Variants in RIT2 observed in about 807,000 individuals in gnomAD.
RIT2 encodes the protein Ras like without CAAX 2.
Under a neutral mutation model 23.7 loss-of-function variants are expected in RIT2, and 24 were observed. The ratio of observed to expected loss-of-function variants is 1.01; its 90% CI spans 0.73 to 1.43. The LOEUF (loss-of-function observed/expected upper bound fraction) is 1.43. Ranked by LOEUF, RIT2 falls within the 40% of genes most tolerant of loss-of-function variation. The pLI is 0.00. For synonymous variants in RIT2, 107 were observed against 91.1 expected, an observed-to-expected ratio of 1.17 and a Z score of -0.99; for missense variants, 236 against 266.9, an observed-to-expected ratio of 0.88 and a Z score of 0.81.
intron 4 of RIT2, among the ~76,000 whole-genome samples, chr18:42,744,452 T>C (rs1392637235): frequency 2.0e-5 from 3 of 152,188 alleles, no homozygotes; most frequent in Non-Finnish European, 4.4e-5. Context: ...AAATCAGCTC[T>C]CCAGAATTCA....
intron 4 of RIT2, among the ~76,000 whole-genome samples, chr18:42,916,109 G>A (rs920169254): frequency 6.6e-6 from 1 of 151,946 alleles, no homozygotes; most frequent in Non-Finnish European, 1.5e-5. Flanking sequence ...GAATCACCCA[G>A]CTAATTTGTT....
intron 3 of RIT2, among the ~76,000 whole-genome samples, chr18:42,967,985 G>C (rs772466536): frequency 1.1e-4 from 16 of 152,058 alleles, no homozygotes; most frequent in Non-Finnish European, 1.9e-4. Context: ...TAATCAGCAT[G>C]TTATATCTGA....
chr18:42,785,460 T>A (rs1166899957), intron 4 of RIT2, among the ~76,000 whole-genome samples: 7 of 148,816 alleles, frequency 4.7e-5, no homozygotes, highest in African/African-American at 1.8e-4. Context: ...TTTTTTTTTT[T>A]AATTTAAATT....
intron 1 of RIT2, among the ~76,000 whole-genome samples, chr18:43,092,084 A>T (rs1220297934): frequency 6.6e-6 from 1 of 152,104 alleles, no homozygotes; most frequent in Admixed American, 6.6e-5. Flanking sequence ...ACATGCAAAC[A>T]CATTATGAAA....
chr18:42,819,185 T>C (rs967046551), intron 4 of RIT2, among the ~76,000 whole-genome samples: 5 of 152,042 alleles, frequency 3.3e-5, no homozygotes, highest in Admixed American at 1.3e-4. Flanking sequence ...ACAGTTGAAA[T>C]TGGAGGAACT....
In RIT2 at chr18:42,990,009, A is replaced by ATGTGTGTG. The variant is rs5824463; in HGVS notation, c.161-15870_161-15863dup. Among the ~76,000 whole-genome samples, 1,122 of 148,876 alleles carry ATGTGTGTG rather than the reference A, an allele frequency of 7.5e-3. 10 individuals are homozygous for ATGTGTGTG. Among genetic ancestry groups the ATGTGTGTG allele is most frequent in the African/African-American group, 0.015 (594 of 40,356 alleles). On this transcript the variant is annotated intron_variant, in intron 2 of 4. Coordinates refer to ENST00000326695, the MANE Select transcript of RIT2 (RefSeq NM_002930.4). Reference sequence around the variant, plus strand: ...TATTACACGTTCTGTATTTACAGATATGTGTGTGTGTGTGTGTGTGTGTGT... The same window carrying ATGTGTGTG: ...TATTACACGTTCTGTATTTACAGATATGTGTGTGTGTGTGTGTGTGTGTGTGTGTGTGT...
intron 4 of RIT2, among the ~76,000 whole-genome samples, chr18:42,907,883 A>C (rs1443666364): frequency 6.6e-6 from 1 of 151,966 alleles, no homozygotes; most frequent in African/African-American, 2.4e-5. Context: ...TGGGAGACTG[A>C]GTCAGGAGGG....
intron 1 of RIT2, among the ~76,000 whole-genome samples, chr18:43,104,838 T>C (rs1442902151): frequency 1.3e-5 from 2 of 152,212 alleles, no homozygotes; most frequent in East Asian, 1.9e-4. Flanking sequence ...TCTGTATCCA[T>C]GTAGCTTATT....
At chr18:42,833,922 G>C (rs1568008089) in intron 4 of RIT2, among the ~76,000 whole-genome samples, 1 of 152,150 alleles carries the variant, frequency 6.6e-6, no homozygotes, top group South Asian at 2.1e-4. Context: ...TTGTGAAGAG[G>C]GGAAGGGAGA....
intron 4 of RIT2, among the ~76,000 whole-genome samples, chr18:42,879,745 G>A (rs1016461003): frequency 2.0e-5 from 3 of 151,894 alleles, no homozygotes; most frequent in Admixed American, 6.6e-5. Flanking sequence ...AATATTGTCT[G>A]CTAATAATTA....
intron 4 of RIT2, among the ~76,000 whole-genome samples, chr18:42,800,515 ATTCTTTTT>A (rs1396880407): frequency 4.8e-5 from 2 of 41,320 alleles, no homozygotes; most frequent in African/African-American, 6.8e-5. Flanking sequence ...AAGCAGTTAC[ATTCTTTTT>A]TTTTTTTTTT....
chr18:42,986,599 T>C (rs1481125103), intron 2 of RIT2, among the ~76,000 whole-genome samples: 2 of 152,094 alleles, frequency 1.3e-5, no homozygotes, highest in African/African-American at 2.4e-5. Context: ...CCTCCTGGGT[T>C]CAAGCGATTC....
rs191269952 is a variant in RIT2, at chr18:42,911,249, A to T, written c.426+12323T>A. Among the ~76,000 whole-genome samples the T allele has an allele frequency of 1.8e-3, 281 of 152,186 alleles. 3 individuals carry two copies. Among genetic ancestry groups the T allele is most frequent in the Non-Finnish European group, 5.1e-4 (35 of 67,982 alleles). ...AGAGTGGAATAAAAATAAACACAAA[A>T]TATATTTATAAGAAGACATAAAGAA... is the stretch of plus-strand genomic sequence containing the variant. On this transcript the variant is annotated intron_variant, in intron 4 of 4. Coordinates refer to ENST00000326695, the MANE Select transcript of RIT2 (RefSeq NM_002930.4).
intron 4 of RIT2, among the ~76,000 whole-genome samples, chr18:42,747,902 G>T (rs1376948100): frequency 1.3e-5 from 2 of 151,900 alleles, no homozygotes; most frequent in Admixed American, 1.3e-4. Context: ...GATGGATAAA[G>T]GACTTAAATC....
chr18:43,095,630 C>A (rs1382723049), intron 1 of RIT2, among the ~76,000 whole-genome samples: 1 of 151,840 alleles, frequency 6.6e-6, no homozygotes, highest in Non-Finnish European at 1.5e-5. Context: ...ATTTTAAATT[C>A]AATGTAATCA....
At chr18:42,776,141 G>T (rs1033045197) in intron 4 of RIT2, among the ~76,000 whole-genome samples, 2 of 152,166 alleles carry the variant, frequency 1.3e-5, no homozygotes, top group African/African-American at 2.4e-5. Flanking sequence ...TGATAGGAAG[G>T]ATAGAATCTG....
chr18:42,907,710 G>A (rs1908659104), intron 4 of RIT2, among the ~76,000 whole-genome samples: 4 of 151,928 alleles, frequency 2.6e-5, no homozygotes. Context: ...GCCAGGTATG[G>A]TGGCTCATGC....
intron 4 of RIT2, among the ~76,000 whole-genome samples, chr18:42,896,045 C>A (rs757998157): frequency 6.6e-5 from 10 of 152,144 alleles, no homozygotes; most frequent in Non-Finnish European, 1.5e-4. Context: ...CTGGCCATCA[C>A]CTGAGGTCAG....
chr18:43,062,449 G>T (rs1444719789), intron 1 of RIT2, among the ~76,000 whole-genome samples: 1 of 152,180 alleles, frequency 6.6e-6, no homozygotes, highest in Non-Finnish European at 1.5e-5. Flanking sequence ...TAGCTGAAAA[G>T]ATTTTGATGA....
Sources: gnomAD v4.1 joint callset for allele counts (sites outside exome capture counted in the v4.1 genomes callset) on GRCh38, gnomAD v4.1.1 for gene constraint, MANE v1.5 for transcripts, NCBI Gene and HGNC (gene_info 2026-07-23, HGNC 2026-07-21) for gene names.